VWA3B: variants seen among roughly 807,000 people sequenced by gnomAD.
The protein encoded by VWA3B is von Willebrand factor A domain containing 3B.
VWA3B carries 138 observed loss-of-function variants against 158.3 expected under a neutral mutation model. The ratio of observed to expected loss-of-function variants is 0.87; its 90% CI spans 0.76 to 1.00. VWA3B has a LOEUF of 1.00. VWA3B is among the 50% of genes least tolerant of loss of function. The pLI is 0.00. For missense variants in VWA3B, 1,555 were observed against 1,565.1 expected, an observed-to-expected ratio of 0.99 and a Z score of 0.11; for synonymous variants, 596 against 587.3, an observed-to-expected ratio of 1.01 and a Z score of -0.21.
intron 14 of VWA3B, among the ~76,000 whole-genome samples, chr2:98,221,599 C>T (rs555874363): frequency 7.4e-4 from 113 of 152,316 alleles, no homozygotes; most frequent in African/African-American, 2.6e-3. Context: ...TGATTTATTT[C>T]CCTGCTGAGG....
At chr2:98,302,761 C>T (rs1004665942) in intron 25 of VWA3B, among the ~76,000 whole-genome samples, 3 of 152,184 alleles carry the variant, frequency 2.0e-5, no homozygotes, top group African/African-American at 4.8e-5. Context: ...CTACCATGCC[C>T]GGCTGCCTAG....
intron 10 of VWA3B, 37 bp from the exon 11 acceptor site, chr2:98,192,861 G>T (rs1332217162): frequency 6.2e-7 from 1 of 1,614,000 alleles, no homozygotes; most frequent in Non-Finnish European, 8.5e-7. Context: ...TTGCCTGCAG[G>T]CTCTCACCAT....
intron 23 of VWA3B, 28 bp downstream of exon 23, chr2:98,290,650 G>A (rs1689436035): frequency 6.8e-7 from 1 of 1,463,362 alleles, no homozygotes. Flanking sequence ...AATTTCGTGA[G>A]GCTTTTGTTA....
intron 7 of VWA3B, among the ~76,000 whole-genome samples, chr2:98,145,764 G>A (rs191582443): frequency 1.3e-5 from 2 of 151,456 alleles, no homozygotes; most frequent in Admixed American, 1.3e-4. Context: ...CTGTTGCCTA[G>A]GCTGGAATGC....
rs547683082 is a variant in VWA3B, at chr2:98,180,932, G to C, written c.1115-84G>C. The C allele has an allele frequency of 3.0e-6, 4 of 1,343,114 alleles. No individual in the cohort carries two copies. The African/African-American group carries it at 5.8e-5, about 20-fold the overall frequency. The allele number at this position is 1,343,114 out of a possible 1,614,324, so 83.2% of individuals were successfully genotyped here. A position where few individuals can be genotyped will look rare whatever the true frequency, so the allele number is the denominator to read the frequency against. On this transcript the variant is annotated intron_variant, in intron 8 of 27. Transcript: ENST00000477737. The stretch of plus-strand genomic sequence containing the variant: ...GGGCTTTGTGTCTAATAAAGAACAC[G>C]TTCCAAGTTGGTCAATATTAAGTTG...
In VWA3B at chr2:98,236,632, C is replaced by T. The variant is rs1463517420; in HGVS notation, c.2575C>T (p.Leu859Phe). 5 of 1,614,222 alleles carry T rather than the reference C, an allele frequency of 3.1e-6. No individual in the cohort carries two copies. The Admixed American group carries it at 6.7e-5, about 22-fold the overall frequency. The part of the protein sequence containing the change: ...LKTYGLVAKK[L>F]TLMDALSVAA... ...GACCTATGGCTTGGTCGCCAAGAAA[C>T]TCACCCTCATGGATGCCTTGTCAGT... The change falls in exon 19 of 28, where the codon CTC becomes TTC. Residue 859 changes from leucine (L) to phenylalanine (F), a missense_variant. Leu to Phe is a conservative substitution (Grantham distance 22). Coordinates refer to ENST00000477737, the MANE Select transcript of VWA3B (RefSeq NM_144992.5).
At position 98,248,875 on chromosome 2, in the gene VWA3B, C is replaced by A. The variant is rs1306968748; in HGVS notation, c.2674-1443C>A. ...TCTTTCTTTCTTTCTTTCTTTCTTTCTTTCTTTCTCTCTTTCCTTTCTTTC... is the reference window on the plus strand; with the variant it reads ...TCTTTCTTTCTTTCTTTCTTTCTTTATTTCTTTCTCTCTTTCCTTTCTTTC... On this transcript the variant is annotated intron_variant, in intron 19 of 27. Transcript: ENST00000477737. 3.9e-4 allele frequency among the ~76,000 whole-genome samples: 18 copies of A among 46,270 alleles called. 1 individual carries two copies. The highest frequency in any genetic ancestry group is 1.3e-3 in the African/African-American group (17 of 13,330). The allele number at this position is 46,270 out of a possible 152,430, so 30.4% of individuals were successfully genotyped here. A position where few individuals can be genotyped will look rare whatever the true frequency, so the allele number is the denominator to read the frequency against.
intron 3 of VWA3B, among the ~76,000 whole-genome samples, chr2:98,118,351 G>C (rs1674692301): frequency 6.6e-6 from 1 of 152,154 alleles, no homozygotes; most frequent in Admixed American, 6.5e-5. Flanking sequence ...ATGGGACAGG[G>C]AAGGAAGGAG....
rs1341418909 is a variant in VWA3B, at chr2:98,115,751, G to A, written c.291+5G>A. 2 of 1,610,884 alleles carry A rather than the reference G, an allele frequency of 1.2e-6. No individual in the cohort carries two copies. Among genetic ancestry groups the A allele is most frequent in the Non-Finnish European group, 1.7e-6 (2 of 1,178,380 alleles). On this transcript the variant is annotated splice_donor_5th_base_variant and intron_variant, in intron 3 of 27. Coordinates refer to ENST00000477737, the MANE Select transcript of VWA3B (RefSeq NM_144992.5). ...GAAGATGGCAGAGTATACAATGTAA[G>A]TCAGAGTTCCCTCAATGCGCAGTCC...
Position 98,201,167 on chromosome 2 carries a change from C to G in VWA3B, c.1737+6675C>G, listed in dbSNP as rs979245823. Among the ~76,000 whole-genome samples the G allele has an allele frequency of 3.9e-5, 6 of 152,168 alleles. 1 individual carries two copies. The highest frequency in any genetic ancestry group is 8.8e-5 in the Non-Finnish European group (6 of 68,016). On this transcript the variant is annotated intron_variant, in intron 12 of 27. Coordinates refer to ENST00000477737, the MANE Select transcript of VWA3B (RefSeq NM_144992.5). Reference sequence around the variant, plus strand: ...AGTTGTTGAAATCTACAAAACAGTACACTAGGATTTTGATTAAGATTCCCT... The same window carrying G: ...AGTTGTTGAAATCTACAAAACAGTAGACTAGGATTTTGATTAAGATTCCCT...
At chr2:98,123,522 C>G (rs1046957657) in intron 5 of VWA3B, among the ~76,000 whole-genome samples, 4 of 152,164 alleles carry the variant, frequency 2.6e-5, no homozygotes, top group Admixed American at 6.5e-5. Context: ...CGAGAGAGAG[C>G]CTTGAGGTCT....
At chr2:98,269,757 G>A (rs1219163215) in intron 21 of VWA3B, among the ~76,000 whole-genome samples, 1 of 152,232 alleles carries the variant, frequency 6.6e-6, no homozygotes, top group Non-Finnish European at 1.5e-5. Flanking sequence ...AGGCGATTTG[G>A]TTCATATATT....
intron 21 of VWA3B, among the ~76,000 whole-genome samples, chr2:98,259,916 G>A (rs552989715): frequency 1.3e-5 from 2 of 151,616 alleles, no homozygotes; most frequent in South Asian, 4.1e-4. Context: ...CCATAAATTT[G>A]GGTGTGTTGT....
chr2:98,299,911 A>G (rs1012347853), intron 24 of VWA3B, among the ~76,000 whole-genome samples, 168 bp from the exon 25 acceptor site: 2 of 152,240 alleles, frequency 1.3e-5, no homozygotes, highest in Admixed American at 6.5e-5. Context: ...ATGTGGCCCA[A>G]TGAGCCCAGA....
At chr2:98,269,650 G>A (rs1333722784) in intron 21 of VWA3B, among the ~76,000 whole-genome samples, 3 of 152,156 alleles carry the variant, frequency 2.0e-5, no homozygotes, top group Non-Finnish European at 4.4e-5. Context: ...CAGGCAAAAT[G>A]CAACAAGCTT....
intron 10 of VWA3B, among the ~76,000 whole-genome samples, chr2:98,190,009 A>G (rs879749968): frequency 1.3e-5 from 2 of 152,146 alleles, no homozygotes; most frequent in Non-Finnish European, 2.9e-5. Context: ...CCAACCTAAC[A>G]ATCTTTGGCT....
At position 98,102,339 on chromosome 2, in the gene VWA3B, G is replaced by A. The variant is rs537682819; in HGVS notation, c.196+9051G>A. ...CCCCACATTTCCCCCTTTTCTTTTCGACAAAACCGCCATCGTCATCATGGC... is the reference window on the plus strand; with the variant it reads ...CCCCACATTTCCCCCTTTTCTTTTCAACAAAACCGCCATCGTCATCATGGC... On this transcript the variant is annotated intron_variant, in intron 2 of 27. Transcript: ENST00000477737. Among the ~76,000 whole-genome samples the A allele has an allele frequency of 6.6e-5, 10 of 151,548 alleles. No homozygotes were observed. In the South Asian group the frequency reaches 8.4e-4, roughly 13 times the overall value.
chr2:98,322,512 A>G, the VWA3B span, among the ~76,000 whole-genome samples: 1 of 152,252 alleles, frequency 6.6e-6, no homozygotes, highest in Non-Finnish European at 1.5e-5. Flanking sequence ...TTAGGCATGT[A>G]CAAGAGAGAA....
At chr2:98,277,911 A>G (rs899310657) in intron 22 of VWA3B, among the ~76,000 whole-genome samples, 5 of 152,198 alleles carry the variant, frequency 3.3e-5, no homozygotes, top group African/African-American at 9.7e-5. Context: ...TACGGCTGTT[A>G]TCTGTGTCCC....
Sources: gnomAD v4.1 joint callset for allele counts (sites outside exome capture counted in the v4.1 genomes callset) on GRCh38, gnomAD v4.1.1 for gene constraint, MANE v1.5 for transcripts, NCBI Gene and HGNC (gene_info 2026-07-23, HGNC 2026-07-21) for gene names.